Variants in THSD4 observed in about 807,000 individuals in gnomAD.
THSD4 encodes the protein thrombospondin type-1 domain-containing protein 4.
Under a neutral mutation model 119.0 loss-of-function variants are expected in THSD4, and 69 were observed. The observed-to-expected ratio is 0.58, with a 90% confidence interval of 0.48 to 0.71. THSD4 has a LOEUF of 0.71. Ranked by LOEUF, THSD4 falls within the 30% of genes least tolerant of loss-of-function variation. THSD4 has a pLI of 0.00. For missense variants in THSD4, 1,393 were observed against 1,391.1 expected (o/e 1.00, Z -0.02); for synonymous variants, 524 against 540.4 (o/e 0.97, Z 0.42).
At chr15:71,736,952 G>C (rs1336418800) in intron 10 of THSD4, among the ~76,000 whole-genome samples, 2 of 152,222 alleles carry the variant, frequency 1.3e-5, no homozygotes, top group Non-Finnish European at 2.9e-5. Context: ...TGCCACACCT[G>C]TGTGTATGTG....
chr15:71,752,745 T>A (rs1595918598), intron 14 of THSD4, among the ~76,000 whole-genome samples: 1 of 152,352 alleles, frequency 6.6e-6, no homozygotes, highest in African/African-American at 2.4e-5. Flanking sequence ...TAGATGAGGT[T>A]GGCACAGTGG....
intron 6 of THSD4, among the ~76,000 whole-genome samples, chr15:71,376,102 G>A (rs960366619): frequency 3.9e-5 from 6 of 152,212 alleles, no homozygotes; most frequent in African/African-American, 1.4e-4. Context: ...CTGAGACCAT[G>A]ACTGTGCCCA....
At chr15:71,273,177 T>G (rs1240003724) in intron 6 of THSD4, among the ~76,000 whole-genome samples, 10 of 152,174 alleles carry the variant, frequency 6.6e-5, no homozygotes, top group Non-Finnish European at 8.8e-5. Flanking sequence ...TTTAAAAATG[T>G]GGTCTGTGTA....
At chr15:71,435,272 C>T (rs1310612368) in intron 7 of THSD4, among the ~76,000 whole-genome samples, 1 of 152,126 alleles carries the variant, frequency 6.6e-6, no homozygotes, top group Non-Finnish European at 1.5e-5. Context: ...AGTCACTAAA[C>T]TACAGGCCAG....
chr15:71,504,787 CT>C (rs1004272015), intron 7 of THSD4, among the ~76,000 whole-genome samples: 5 of 152,108 alleles, frequency 3.3e-5, no homozygotes, highest in African/African-American at 1.2e-4. Flanking sequence ...TCTAGACTTT[CT>C]TTGGTTTTCA....
chr15:71,734,721 A>AGGG (rs2053047763), intron 10 of THSD4, among the ~76,000 whole-genome samples: 1 of 151,504 alleles, frequency 6.6e-6, no homozygotes, highest in Admixed American at 6.6e-5. Flanking sequence ...GATGGTAGTA[A>AGGG]GGGACCCTGT....
rs369768600 is a variant in THSD4 at position 71,397,805 on chromosome 15, A to G, written c.1016-13882A>G. On this transcript the variant is annotated intron_variant, in intron 6 of 17. Coordinates refer to ENST00000261862, the MANE Select transcript of THSD4 (RefSeq NM_024817.3). ...TCTGAGCCAAAGGTTTCTCATCTGTAAAATGGGATAGTAATAGTGTCTACT... is the reference window on the plus strand; with the variant it reads ...TCTGAGCCAAAGGTTTCTCATCTGTGAAATGGGATAGTAATAGTGTCTACT... Among the ~76,000 whole-genome samples, 14 of 152,330 alleles carry G rather than the reference A, an allele frequency of 9.2e-5. No homozygotes were observed. The East Asian group carries it at 1.5e-3, about 17-fold the overall frequency.
chr15:71,220,140 T>C (rs397970412), intron 4 of THSD4, among the ~76,000 whole-genome samples: 2 of 152,242 alleles, frequency 1.3e-5, no homozygotes, highest in East Asian at 3.9e-4. Context: ...CCTTACACTT[T>C]GGTGGTGGAG....
intron 8 of THSD4, among the ~76,000 whole-genome samples, chr15:71,664,766 G>A (rs1017542825): frequency 6.6e-6 from 1 of 152,202 alleles, no homozygotes; most frequent in African/African-American, 2.4e-5. Context: ...CTGTTCCTGC[G>A]TGGTTTTCTA....
chr15:71,267,218 C>T (rs192295954), intron 6 of THSD4, among the ~76,000 whole-genome samples: 108 of 152,318 alleles, frequency 7.1e-4, no homozygotes, highest in African/African-American at 2.4e-3. Context: ...AGAGAAAGGT[C>T]GGGTTACCCA....
intron 7 of THSD4, among the ~76,000 whole-genome samples, chr15:71,627,493 G>C (rs1056735949): frequency 1.2e-4 from 18 of 152,160 alleles, no homozygotes; most frequent in African/African-American, 4.3e-4. Context: ...CCCTTCACTA[G>C]ATGAGAAGTA....
At chr15:71,297,267 T>C (rs1445233626) in intron 6 of THSD4, among the ~76,000 whole-genome samples, 3 of 152,172 alleles carry the variant, frequency 2.0e-5, no homozygotes, top group African/African-American at 7.2e-5. Context: ...GCCATTCATA[T>C]ATCTTATTTG....
intron 7 of THSD4, among the ~76,000 whole-genome samples, chr15:71,498,925 G>C (rs1010870968): frequency 3.4e-5 from 5 of 146,722 alleles, no homozygotes; most frequent in African/African-American, 1.3e-4. Context: ...GGCTGGTCTT[G>C]AACTCCTGAA....
chr15:71,505,890 T>C (rs2048178919), intron 7 of THSD4, among the ~76,000 whole-genome samples: 2 of 152,360 alleles, frequency 1.3e-5, no homozygotes, highest in Middle Eastern at 3.4e-3. Context: ...ATCCAGTTCT[T>C]TGTTTTGTTT....
intron 7 of THSD4, among the ~76,000 whole-genome samples, chr15:71,487,899 G>A (rs963097694): frequency 2.5e-4 from 38 of 151,216 alleles, no homozygotes; most frequent in Non-Finnish European, 3.5e-4. Flanking sequence ...TTTTATTTCT[G>A]TGGTTTTAAT....
chr15:71,174,264 A>G (rs2046574389), intron 3 of THSD4, among the ~76,000 whole-genome samples: 1 of 152,166 alleles, frequency 6.6e-6, no homozygotes, highest in South Asian at 2.1e-4. Context: ...GGAGTGCCAG[A>G]CAGTGGGCGC....
At chr15:71,515,248 G>C (rs2048341911) in intron 7 of THSD4, among the ~76,000 whole-genome samples, 1 of 152,196 alleles carries the variant, frequency 6.6e-6, no homozygotes, top group Non-Finnish European at 1.5e-5. Context: ...CACCTGTCAG[G>C]ATTAGAAATT....
intron 8 of THSD4, among the ~76,000 whole-genome samples, chr15:71,721,953 G>C (rs1303568800): frequency 1.4e-5 from 2 of 147,420 alleles, no homozygotes; most frequent in Non-Finnish European, 3.0e-5. Flanking sequence ...CTCCAGCCTG[G>C]GTGACAGAGT....
At chr15:71,283,710 T>C (rs895086219) in intron 6 of THSD4, among the ~76,000 whole-genome samples, 1 of 152,252 alleles carries the variant, frequency 6.6e-6, no homozygotes, top group Non-Finnish European at 1.5e-5. Flanking sequence ...CAACAGCTAG[T>C]AAGCGGCTTT....
Sources: allele counts gnomAD v4.1 joint callset (sites outside exome capture counted in the v4.1 genomes callset), GRCh38; gene constraint gnomAD v4.1.1; transcripts MANE v1.5; gene names NCBI Gene and HGNC (gene_info 2026-07-23, HGNC 2026-07-21).